PHF20: variants seen among roughly 807,000 people sequenced by gnomAD.
The protein encoded by PHF20 is glioma-expressed antigen 2.
Under a neutral mutation model 113.5 loss-of-function variants are expected in PHF20, and 23 were observed. The ratio of observed to expected loss-of-function variants is 0.20; its 90% CI spans 0.15 to 0.29. PHF20 has a LOEUF of 0.29. Ranked by LOEUF, PHF20 falls within the 10% of genes least tolerant of loss-of-function variation. The pLI is 1.00. For synonymous variants in PHF20, 434 were observed against 457.3 expected (o/e 0.95, Z 0.65); for missense variants, 943 against 1,219.6 (o/e 0.77, Z 3.38).
At chr20:35,846,896 G>A (rs894264940) in intron 3 of PHF20, among the ~76,000 whole-genome samples, 6 of 152,144 alleles carry the variant, frequency 3.9e-5, no homozygotes, top group African/African-American at 1.4e-4. Context: ...CATGGTACTG[G>A]CTTCTGGCAT....
At chr20:35,896,585 C>T (rs543886449) in intron 9 of PHF20, among the ~76,000 whole-genome samples, 6 of 151,012 alleles carry the variant, frequency 4.0e-5, no homozygotes, top group Non-Finnish European at 8.9e-5. Context: ...CTGAGGCAGG[C>T]GGATCACTTG....
intron 1 of PHF20, among the ~76,000 whole-genome samples, chr20:35,793,842 A>G (rs890046939): frequency 6.7e-6 from 1 of 149,968 alleles, no homozygotes; most frequent in Admixed American, 6.7e-5. Flanking sequence ...TACTAAAAAT[A>G]CAAAAATTAG....
intron 9 of PHF20, among the ~76,000 whole-genome samples, chr20:35,896,715 C>T (rs756355884): frequency 5.4e-5 from 8 of 149,394 alleles, no homozygotes; most frequent in African/African-American, 7.4e-5. Context: ...GCTGGAGAAT[C>T]GCTTGAACTG....
intron 2 of PHF20, among the ~76,000 whole-genome samples, chr20:35,804,832 T>C (rs188594933): frequency 6.6e-6 from 1 of 152,288 alleles, no homozygotes; most frequent in Non-Finnish European, 1.5e-5. Context: ...GTAAGAAATG[T>C]ATTTTAAATC....
chr20:35,812,790 G>T (rs777622707), intron 2 of PHF20, among the ~76,000 whole-genome samples: 1 of 152,020 alleles, frequency 6.6e-6, no homozygotes, highest in Non-Finnish European at 1.5e-5. Context: ...AATCTGTGGG[G>T]ATACTCTGGT....
chr20:35,831,179 A>G (rs974852296), intron 2 of PHF20, among the ~76,000 whole-genome samples: 1 of 116,050 alleles, frequency 8.6e-6, no homozygotes, highest in African/African-American at 3.7e-5. Context: ...TCATTTATTT[A>G]TTTTGGGTCT....
At chr20:35,892,058 T>TTG (rs2054880325) in intron 9 of PHF20, among the ~76,000 whole-genome samples, 4 of 150,562 alleles carry the variant, frequency 2.7e-5, no homozygotes, top group Middle Eastern at 3.4e-3. Flanking sequence ...TTTTTTTGTT[T>TTG]TTTTGTTTTT....
chr20:35,947,899 C>A lies in PHF20; in HGVS notation c.*272C>A. 1 of 317,574 alleles carries A rather than the reference C, an allele frequency of 3.1e-6. No individual in the cohort carries two copies. Among genetic ancestry groups the A allele is most frequent in the Non-Finnish European group, 5.8e-6 (1 of 171,664 alleles). 19.7% of individuals were successfully genotyped at this position (317,574 alleles called of 1,614,324 possible). A position where few individuals can be genotyped will look rare whatever the true frequency, so the allele number is the denominator to read the frequency against. Reference sequence around the variant, plus strand: ...GTTGAATGAAGAGAGTCTTTTTGCACAAACTTCACTTGAAATTGTGCCACT... The same window carrying A: ...GTTGAATGAAGAGAGTCTTTTTGCAAAAACTTCACTTGAAATTGTGCCACT... On this transcript the variant is annotated 3_prime_UTR_variant, in exon 18 of 18. Transcript: ENST00000374012.
At chr20:35,878,533 A>G (rs946755871) in intron 9 of PHF20, 38 of 669,566 alleles carry the variant, frequency 5.7e-5, no homozygotes, top group Non-Finnish European at 6.8e-5. Flanking sequence ...AAAAAGCTAA[A>G]GAGGCACCAT....
chr20:35,816,472 G>A (rs1233744668), intron 2 of PHF20, among the ~76,000 whole-genome samples: 4 of 146,130 alleles, frequency 2.7e-5, no homozygotes, highest in African/African-American at 1.0e-4. Flanking sequence ...TTTTTGAGAC[G>A]GAATTTTGCT....
chr20:35,772,061 G>A lies in PHF20; in HGVS notation c.-51G>A, dbSNP rs969228276. The A allele has an allele frequency of 4.6e-5, 7 of 151,976 alleles. No individual in the cohort carries two copies. In the East Asian group the frequency reaches 5.8e-4, roughly 13 times the overall value. 9.4% of individuals were successfully genotyped at this position (151,976 alleles called of 1,614,324 possible). On this transcript the variant is annotated 5_prime_UTR_variant, in exon 1 of 18. Transcript: ENST00000374012. Reference sequence around the variant, plus strand: ...TGTCGGTTGGTCCTGGAGCGGCGCAGCCGGAGTGGGGCCGTGAGGTGAGCT... The same window carrying A: ...TGTCGGTTGGTCCTGGAGCGGCGCAACCGGAGTGGGGCCGTGAGGTGAGCT...
At chr20:35,800,245 A>G (rs2041752706) in intron 1 of PHF20, 1 of 152,142 alleles carries the variant, frequency 6.6e-6, no homozygotes, top group Non-Finnish European at 1.5e-5. Context: ...GAAAATACAA[A>G]TGATCAGAAT....
chr20:35,862,185 T>A (rs2054229633), intron 5 of PHF20, among the ~76,000 whole-genome samples: 1 of 152,200 alleles, frequency 6.6e-6, no homozygotes, highest in Non-Finnish European at 1.5e-5. Context: ...AGTAGGTGGC[T>A]TGTTGAACTG....
chr20:35,827,259 G>A (rs1383720271), intron 2 of PHF20, among the ~76,000 whole-genome samples: 3 of 150,548 alleles, frequency 2.0e-5, no homozygotes, highest in Non-Finnish European at 4.4e-5. Flanking sequence ...GCGCCACCAC[G>A]TCTGGGTAAT....
chr20:35,773,125 A>G (rs2041098020), intron 1 of PHF20, among the ~76,000 whole-genome samples: 2 of 152,080 alleles, frequency 1.3e-5, no homozygotes, highest in Non-Finnish European at 2.9e-5. Flanking sequence ...ATCTGGGAGT[A>G]TATTTGTTTC....
chr20:35,925,095 T>C (rs2055600589), intron 13 of PHF20, among the ~76,000 whole-genome samples: 1 of 152,146 alleles, frequency 6.6e-6, no homozygotes, highest in South Asian at 2.1e-4. Flanking sequence ...TGTCTGTATA[T>C]TTGCTCGTAC....
intron 2 of PHF20, among the ~76,000 whole-genome samples, chr20:35,827,674 T>G (rs2042285499): frequency 6.6e-6 from 1 of 151,408 alleles, no homozygotes; most frequent in Non-Finnish European, 1.5e-5. Flanking sequence ...GTCCAGCTAC[T>G]CGGGAGGCTG....
chr20:35,874,830 A>T (rs1199404528), intron 9 of PHF20, among the ~76,000 whole-genome samples: 1 of 151,934 alleles, frequency 6.6e-6, no homozygotes, highest in Non-Finnish European at 1.5e-5. Flanking sequence ...GAAAATAGTG[A>T]ATCTCAGCAC....
At chr20:35,884,785 T>C (rs1004108333) in intron 9 of PHF20, among the ~76,000 whole-genome samples, 2 of 152,202 alleles carry the variant, frequency 1.3e-5, no homozygotes, top group Admixed American at 6.6e-5. Flanking sequence ...GATTCCCCAA[T>C]TGCTAGCAAT....
Sources: gnomAD v4.1 joint callset for allele counts (sites outside exome capture counted in the v4.1 genomes callset) on GRCh38, gnomAD v4.1.1 for gene constraint, MANE v1.5 for transcripts, NCBI Gene and HGNC (gene_info 2026-07-23, HGNC 2026-07-21) for gene names.